ALK: variants seen among roughly 807,000 people sequenced by gnomAD.
ALK encodes ALK tyrosine kinase receptor.
In ALK, 74 loss-of-function variants were observed where a neutral mutation model predicts 163.1. That is an observed-to-expected ratio of 0.45 (90% confidence interval 0.38 to 0.55). ALK has a LOEUF of 0.55. Ranked by LOEUF, ALK falls within the 20% of genes least tolerant of loss-of-function variation. The probability of loss-of-function intolerance (pLI) is 0.00; values close to 1 mark genes in which losing one functional copy is unlikely to be tolerated. For synonymous variants in ALK, 960 were observed against 843.2 expected, an observed-to-expected ratio of 1.14 and a Z score of -2.40; for missense variants, 2,063 against 2,105.3, an observed-to-expected ratio of 0.98 and a Z score of 0.39.
chr2:29,867,555 C>T (rs1666466377), intron 1 of ALK, among the ~76,000 whole-genome samples: 1 of 152,118 alleles, frequency 6.6e-6, no homozygotes, highest in South Asian at 2.1e-4. Flanking sequence ...TAAGATCTTA[C>T]AACTGCCTCA....
chr2:29,641,388 A>T (rs1353971768), intron 3 of ALK, among the ~76,000 whole-genome samples: 1 of 152,128 alleles, frequency 6.6e-6, no homozygotes, highest in Non-Finnish European at 1.5e-5. Flanking sequence ...ACAGCGCGTG[A>T]TTCTGAAAAA....
chr2:29,826,261 A>AAGAC (rs5830132), intron 1 of ALK, among the ~76,000 whole-genome samples: 70,112 of 151,460 alleles, frequency 0.46, 16,953 homozygotes, highest in East Asian at 0.75. Flanking sequence ...CAGAAAAAGA[A>AAGAC]AGAGTGTGCC....
intron 4 of ALK, among the ~76,000 whole-genome samples, chr2:29,489,813 T>A (rs1292563794): frequency 1.3e-5 from 2 of 152,202 alleles, no homozygotes; most frequent in African/African-American, 4.8e-5. Context: ...CTGAAGGACA[T>A]GGCACTAGAC....
chr2:29,391,252 G>T (rs181738304), intron 4 of ALK, among the ~76,000 whole-genome samples: 1 of 149,442 alleles, frequency 6.7e-6, no homozygotes, highest in Non-Finnish European at 1.5e-5. Context: ...CTCATGTTTC[G>T]GAACAAAGAC....
At chr2:29,580,940 G>C (rs1229653727) in intron 3 of ALK, among the ~76,000 whole-genome samples, 2 of 152,210 alleles carry the variant, frequency 1.3e-5, no homozygotes, top group Non-Finnish European at 2.9e-5. Flanking sequence ...TGAGGGCTAG[G>C]AAGCAAGGAT....
intron 1 of ALK, among the ~76,000 whole-genome samples, chr2:29,852,134 T>G (rs144050862): frequency 6.6e-6 from 1 of 152,334 alleles, no homozygotes; most frequent in East Asian, 1.9e-4. Context: ...GAAGCCCCTA[T>G]GTAGCGTTTA....
chr2:29,797,509 C>T (rs1343535168), intron 1 of ALK, among the ~76,000 whole-genome samples: 2 of 152,210 alleles, frequency 1.3e-5, no homozygotes, highest in Non-Finnish European at 2.9e-5. Flanking sequence ...GTAATATCCC[C>T]ACTATCATTG....
chr2:29,342,957 G>A (rs991310300), intron 5 of ALK, among the ~76,000 whole-genome samples: 1 of 127,388 alleles, frequency 7.9e-6, no homozygotes, highest in Non-Finnish European at 1.6e-5. Context: ...ATCTCTGCCC[G>A]CTGCAAGCTC....
At chr2:29,332,875 A>G (rs1667486293) in intron 5 of ALK, among the ~76,000 whole-genome samples, 1 of 152,218 alleles carries the variant, frequency 6.6e-6, no homozygotes, top group African/African-American at 2.4e-5. Flanking sequence ...AGATTCCCAG[A>G]AGTGGAATTA....
At position 29,822,230 on chromosome 2, in the gene ALK, C is replaced by T. The variant is rs79129091; in HGVS notation, c.667+97763G>A. Among the ~76,000 whole-genome samples, 27 of 152,290 alleles carry T rather than the reference C, an allele frequency of 1.8e-4. 1 individual carries two copies. The East Asian group carries it at 4.8e-3, about 27-fold the overall frequency. On this transcript the variant is annotated intron_variant, in intron 1 of 28. Transcript: ENST00000389048. ...GGCCTCATCCCTGCCCCCTATCTAA[C>T]GAGGAGATCTGAAATCAAAAGGCCT...
Position 29,193,128 on chromosome 2 carries a change from G to T in ALK, c.*96C>A. 7.4e-7 allele frequency: 1 copy of T among 1,347,010 alleles called. No homozygotes were observed. The highest frequency in any genetic ancestry group is 1.0e-6 in the Non-Finnish European group (1 of 956,040). 83.4% of individuals were successfully genotyped at this position (1,347,010 alleles called of 1,614,324 possible). ...AAAATAGGTTGGCACAAAACAAAAC[G>T]TGACATTTGGTCTCTGGTTTGTGAA... On this transcript the variant is annotated 3_prime_UTR_variant, in exon 29 of 29. Transcript: ENST00000389048.
At chr2:29,889,289 C>CTA (rs1340541430) in intron 1 of ALK, among the ~76,000 whole-genome samples, 1 of 151,730 alleles carries the variant, frequency 6.6e-6, no homozygotes, top group Non-Finnish European at 1.5e-5. Flanking sequence ...CATATACTCT[C>CTA]TATATATATC....
At chr2:29,682,981 C>A (rs180849863) in intron 3 of ALK, among the ~76,000 whole-genome samples, 3 of 152,298 alleles carry the variant, frequency 2.0e-5, no homozygotes, top group Non-Finnish European at 4.4e-5. Context: ...AACACAGCAT[C>A]TCGCATATTT....
At chr2:29,910,013 A>T (rs1380723492) in intron 1 of ALK, among the ~76,000 whole-genome samples, 1 of 151,884 alleles carries the variant, frequency 6.6e-6, no homozygotes, top group Non-Finnish European at 1.5e-5. Context: ...CAAGGTATGC[A>T]AAGAAGCAGG....
At chr2:29,303,256 A>G (rs1366330914) in intron 8 of ALK, among the ~76,000 whole-genome samples, 1 of 152,216 alleles carries the variant, frequency 6.6e-6, no homozygotes, top group Non-Finnish European at 1.5e-5. Context: ...AAGAAGACAT[A>G]CAACCAGCCA....
At chr2:29,461,044 C>G (rs115287127) in intron 4 of ALK, among the ~76,000 whole-genome samples, 1 of 152,156 alleles carries the variant, frequency 6.6e-6, no homozygotes, top group Non-Finnish European at 1.5e-5. Context: ...AGAAAAGTTT[C>G]GGTGTTCTGA....
chr2:29,222,683 G>T, intron 20 of ALK, 76 bp from the exon 21 acceptor site: 1 of 1,329,056 alleles, frequency 7.5e-7, no homozygotes, highest in Non-Finnish European at 1.1e-6. Context: ...TCCTGAGCCT[G>T]GGCGTCACAT....
intron 5 of ALK, among the ~76,000 whole-genome samples, chr2:29,329,526 A>G (rs1210505313): frequency 6.6e-6 from 1 of 152,142 alleles, no homozygotes; most frequent in Non-Finnish European, 1.5e-5. Context: ...TTCTAGCTCT[A>G]TCCTGGTCAT....
chr2:29,320,597 G>C (rs1279041262), intron 7 of ALK, among the ~76,000 whole-genome samples, 154 bp downstream of exon 7: 1 of 152,242 alleles, frequency 6.6e-6, no homozygotes, highest in African/African-American at 2.4e-5. Context: ...AGCCCAAGGT[G>C]TGAAGAGGGA....
Sources: allele counts gnomAD v4.1 joint callset (sites outside exome capture counted in the v4.1 genomes callset), GRCh38; gene constraint gnomAD v4.1.1; transcripts MANE v1.5; gene names NCBI Gene and HGNC (gene_info 2026-07-23, HGNC 2026-07-21).